CTBP2: variants seen among roughly 807,000 people sequenced by gnomAD.
CTBP2 encodes C-terminal binding protein 2, also known as C-terminal-binding protein 2.
In CTBP2, 30 loss-of-function variants were observed where a neutral mutation model predicts 80.3. The observed-to-expected ratio is 0.37, with a 90% CI of 0.28 to 0.51. The LOEUF is 0.51. Ranked by LOEUF, CTBP2 falls within the 20% of genes least tolerant of loss-of-function variation. CTBP2 has a pLI of 0.93. For synonymous variants in CTBP2, 594 were observed against 587.4 expected, an observed-to-expected ratio of 1.01 and a Z score of -0.16; for missense variants, 1,212 against 1,375.3, an observed-to-expected ratio of 0.88 and a Z score of 1.88.
At chr10:125,077,907 C>A (rs1199576172) in intron 2 of CTBP2, among the ~76,000 whole-genome samples, 3 of 152,204 alleles carry the variant, frequency 2.0e-5, no homozygotes, top group Non-Finnish European at 4.4e-5. Flanking sequence ...GCAGCCAAGT[C>A]TGACTTCAGA....
chr10:125,145,397 G>A (rs559838780), intron 1 of CTBP2, among the ~76,000 whole-genome samples: 5 of 152,262 alleles, frequency 3.3e-5, no homozygotes, highest in Admixed American at 1.3e-4. Context: ...CCAACCCCAG[G>A]TACCAGGGCC....
intron 3 of CTBP2, among the ~76,000 whole-genome samples, chr10:125,033,925 G>A (rs2913111): frequency 0.46 from 70,012 of 151,844 alleles, 16,457 homozygotes; most frequent in East Asian, 0.62. Flanking sequence ...CTGTGGTAGG[G>A]GCAGGAGCTG....
upstream of CTBP2, among the ~76,000 whole-genome samples, chr10:125,028,410 A>C (rs1184530966): frequency 6.6e-6 from 1 of 152,244 alleles, no homozygotes; most frequent in African/African-American, 2.4e-5. Flanking sequence ...TGGCACAGCT[A>C]AACACAAATT....
intron 3 of CTBP2, among the ~76,000 whole-genome samples, chr10:125,035,098 CA>C (rs1219174996): frequency 6.6e-6 from 1 of 152,192 alleles, no homozygotes; most frequent in Non-Finnish European, 1.5e-5. Context: ...AGAAGAGACC[CA>C]CTGGGGAAAC....
At chr10:124,994,251 AGCTGGGTCCTG>A (rs1045808105) in intron 5 of CTBP2, among the ~76,000 whole-genome samples, 9 of 152,222 alleles carry the variant, frequency 5.9e-5, no homozygotes, top group African/African-American at 2.2e-4. Flanking sequence ...AAGCTTCTGA[AGCTGGGTCCTG>A]GCTAGCGCCT....
At chr10:125,140,666 T>A (rs889070175) in intron 1 of CTBP2, among the ~76,000 whole-genome samples, 8 of 151,214 alleles carry the variant, frequency 5.3e-5, no homozygotes, top group African/African-American at 2.0e-4. Context: ...CTACAAAAAA[T>A]ATAAAAATTA....
intron 8 of CTBP2, among the ~76,000 whole-genome samples, chr10:124,992,212 T>C (rs1333898418): frequency 1.3e-4 from 17 of 130,904 alleles, no homozygotes; most frequent in African/African-American, 6.3e-4. Flanking sequence ...AGAAGCCCTT[T>C]TTTTTTTTTT....
At chr10:125,090,805 T>G (rs935723534) in intron 2 of CTBP2, among the ~76,000 whole-genome samples, 3 of 150,736 alleles carry the variant, frequency 2.0e-5, no homozygotes, top group Non-Finnish European at 4.4e-5. Flanking sequence ...ACTGGGGAGA[T>G]GGGGGAAAAT....
intron 1 of CTBP2, chr10:125,005,429 G>A: frequency 2.0e-6 from 2 of 995,848 alleles, no homozygotes; most frequent in Non-Finnish European, 2.9e-6. Context: ...CGACACCCAG[G>A]TCCCCAAACA....
intron 1 of CTBP2, among the ~76,000 whole-genome samples, 169 bp from the exon 4 acceptor site, chr10:125,003,661 G>A (rs376046322): frequency 3.9e-4 from 60 of 152,160 alleles, no homozygotes; most frequent in African/African-American, 1.4e-3. Flanking sequence ...CCACTGACAC[G>A]AAGAGGAGCC....
intron 2 of CTBP2, among the ~76,000 whole-genome samples, chr10:125,056,278 G>A (rs560491253): frequency 5.3e-5 from 8 of 152,272 alleles, no homozygotes; most frequent in South Asian, 2.1e-4. Context: ...TATTCTAAGC[G>A]GCTGTGAGTA....
intron 8 of CTBP2, among the ~76,000 whole-genome samples, chr10:124,991,059 C>T (rs1952541522): frequency 6.6e-6 from 1 of 152,248 alleles, no homozygotes; most frequent in Admixed American, 6.5e-5. Context: ...TGGCTGTTGG[C>T]TGGGGGCCCG....
chr10:125,088,586 T>C (rs1365466747), intron 2 of CTBP2, among the ~76,000 whole-genome samples: 2 of 152,052 alleles, frequency 1.3e-5, no homozygotes, highest in Non-Finnish European at 2.9e-5. Context: ...CCGGATAACC[T>C]CAGGATTGAT....
At chr10:125,107,380 G>A (rs1851619949) in intron 2 of CTBP2, among the ~76,000 whole-genome samples, 1 of 152,220 alleles carries the variant, frequency 6.6e-6, no homozygotes, top group South Asian at 2.1e-4. Flanking sequence ...CAGGAGCTCA[G>A]GAGGCCAAGG....
intron 2 of CTBP2, among the ~76,000 whole-genome samples, chr10:125,051,739 C>CA (rs1962825617): frequency 6.6e-6 from 1 of 152,222 alleles, no homozygotes; most frequent in East Asian, 1.9e-4. Flanking sequence ...TATGGACCCC[C>CA]CTAATTATGT....
chr10:125,002,402 G>A (rs970881447), intron 3 of CTBP2, among the ~76,000 whole-genome samples: 14 of 152,206 alleles, frequency 9.2e-5, no homozygotes, highest in African/African-American at 3.1e-4. Flanking sequence ...CTGGGTTCCC[G>A]CCTGCTGCCT....
chr10:125,078,528 T>A (rs200394522), intron 2 of CTBP2, among the ~76,000 whole-genome samples: 3,119 of 150,756 alleles, frequency 0.021, 102 homozygotes, highest in African/African-American at 0.07. Flanking sequence ...TTTTTTTTTT[T>A]AAACCCAACA....
At chr10:125,071,210 G>C (rs894751222) in intron 2 of CTBP2, among the ~76,000 whole-genome samples, 2 of 152,236 alleles carry the variant, frequency 1.3e-5, no homozygotes, top group Admixed American at 1.3e-4. Context: ...GCGAGGGGCA[G>C]GCTCCCTGCT....
intron 2 of CTBP2, among the ~76,000 whole-genome samples, chr10:125,084,482 C>A (rs1476909758): frequency 6.6e-6 from 1 of 152,176 alleles, no homozygotes; most frequent in Non-Finnish European, 1.5e-5. Context: ...GGAGTCCCTA[C>A]CAGTCCGGAG....
Sources: allele counts gnomAD v4.1 joint callset (sites outside exome capture counted in the v4.1 genomes callset), GRCh38; gene constraint gnomAD v4.1.1; transcripts MANE v1.5; gene names NCBI Gene and HGNC (gene_info 2026-07-23, HGNC 2026-07-21).